The following KCNH5 variants were observed in gnomAD, a reference collection of about 807,000 sequenced individuals.
KCNH5 encodes the protein potassium voltage-gated channel subfamily H member 5.
A neutral mutation model predicts 96.1 loss-of-function variants in KCNH5; 46 were observed. The ratio of observed to expected loss-of-function variants is 0.48; its 90% CI spans 0.38 to 0.61. The LOEUF (loss-of-function observed/expected upper bound fraction) is 0.61, where lower values mean the gene tolerates loss of function less well. KCNH5 is among the 20% of genes least tolerant of loss of function. The pLI, the probability that KCNH5 is intolerant of heterozygous loss-of-function variation, is 0.00. For synonymous variants in KCNH5, 439 were observed against 449.8 expected (o/e 0.98, Z 0.30); for missense variants, 907 against 1,225.8 (o/e 0.74, Z 3.88).
intron 10 of KCNH5, among the ~76,000 whole-genome samples, chr14:62,725,586 G>A (rs982786979): frequency 2.6e-5 from 4 of 152,150 alleles, no homozygotes; most frequent in African/African-American, 9.7e-5. Context: ...AGAGTGGAAG[G>A]AGGGACAGTA....
At chr14:62,827,266 C>T (rs1483808203) in intron 8 of KCNH5, among the ~76,000 whole-genome samples, 1 of 152,096 alleles carries the variant, frequency 6.6e-6, no homozygotes, top group Non-Finnish European at 1.5e-5. Context: ...TTGGCTGTTT[C>T]ATTCTTTTAC....
chr14:62,873,480 A>G (rs1420465358), intron 7 of KCNH5, among the ~76,000 whole-genome samples: 1 of 152,194 alleles, frequency 6.6e-6, no homozygotes, highest in Non-Finnish European at 1.5e-5. Flanking sequence ...AGATTCAAGC[A>G]TGTGTCAATA....
At chr14:63,024,576 A>G (rs1891491899) in intron 1 of KCNH5, among the ~76,000 whole-genome samples, 1 of 152,112 alleles carries the variant, frequency 6.6e-6, no homozygotes, top group South Asian at 2.1e-4. Context: ...CAAAAAAATC[A>G]GAAATCAAAG....
rs1884450825 is a variant in KCNH5 at position 62,707,222 on chromosome 14, T to C, written c.*286A>G. The stretch of plus-strand genomic sequence containing the variant: ...GGACCCTGATTCTTCAAATATTACA[T>C]TGCCTTGGGTAACAAAAATCATACT... On this transcript the variant is annotated 3_prime_UTR_variant, in exon 11 of 11. Coordinates refer to ENST00000322893, the MANE Select transcript of KCNH5 (RefSeq NM_139318.5). The C allele has an allele frequency of 5.8e-6, 1 of 172,342 alleles. No individual in the cohort carries two copies. The highest frequency in any genetic ancestry group is 2.4e-5 in the African/African-American group (1 of 42,358). 10.7% of individuals were successfully genotyped at this position (172,342 alleles called of 1,614,324 possible). A position where few individuals can be genotyped will look rare whatever the true frequency, so the allele number is the denominator to read the frequency against.
intron 3 of KCNH5, among the ~76,000 whole-genome samples, chr14:63,001,855 CTCG>C (rs1320466685): frequency 6.6e-6 from 1 of 152,168 alleles, no homozygotes; most frequent in Non-Finnish European, 1.5e-5. Context: ...ACCTGCTTCT[CTCG>C]TCATGTCACT....
chr14:62,707,499 G>GTA lies in KCNH5; in HGVS notation c.*7_*8dup, dbSNP rs771857690. The GTA allele has an allele frequency of 5.7e-6, 7 of 1,230,258 alleles. No homozygotes were observed. Among genetic ancestry groups the GTA allele is most frequent in the South Asian group, 2.1e-5 (1 of 48,434 alleles). The allele number at this position is 1,230,258 out of a possible 1,614,324, so 76.2% of individuals were successfully genotyped here. A position where few individuals can be genotyped will look rare whatever the true frequency, so the allele number is the denominator to read the frequency against. ...TTTTAATATATTAACAAATATATAT[G>GTA]TATATATATTAAAAGTGGATTTCAT... On this transcript the variant is annotated 3_prime_UTR_variant, in exon 11 of 11. Coordinates refer to ENST00000322893, the MANE Select transcript of KCNH5 (RefSeq NM_139318.5).
At chr14:62,748,717 G>C (rs181530073) in intron 10 of KCNH5, among the ~76,000 whole-genome samples, 67 of 152,000 alleles carry the variant, frequency 4.4e-4, no homozygotes, top group Middle Eastern at 3.4e-3. Context: ...AGAGAGCGTT[G>C]GTATGGCGAA....
intron 8 of KCNH5, among the ~76,000 whole-genome samples, chr14:62,829,505 C>A (rs1235347644): frequency 6.6e-6 from 1 of 152,228 alleles, no homozygotes; most frequent in African/African-American, 2.4e-5. Context: ...CCCTATACCA[C>A]ACAGAAGTCA....
intron 2 of KCNH5, among the ~76,000 whole-genome samples, chr14:63,010,764 C>A (rs1891209458): frequency 6.6e-6 from 1 of 152,192 alleles, no homozygotes; most frequent in African/African-American, 2.4e-5. Context: ...CTCTCAAAAT[C>A]TCACGAACAA....
At chr14:62,748,530 C>T (rs1226668856) in intron 10 of KCNH5, among the ~76,000 whole-genome samples, 2 of 152,062 alleles carry the variant, frequency 1.3e-5, no homozygotes, top group African/African-American at 4.8e-5. Flanking sequence ...AAGATGGAGT[C>T]GCTCTGGTTC....
At chr14:62,828,225 T>C (rs959400956) in intron 8 of KCNH5, among the ~76,000 whole-genome samples, 2 of 152,178 alleles carry the variant, frequency 1.3e-5, no homozygotes, top group African/African-American at 4.8e-5. Context: ...CTGTGTATTA[T>C]ATTAGTGTTT....
intron 8 of KCNH5, among the ~76,000 whole-genome samples, chr14:62,811,759 A>T (rs1387753): frequency 0.61 from 92,420 of 151,926 alleles, 28,583 homozygotes; most frequent in East Asian, 0.86. Context: ...ATAAATTAGA[A>T]ATAAGCAGAA....
At chr14:62,816,029 A>T (rs1331069116) in intron 8 of KCNH5, among the ~76,000 whole-genome samples, 3 of 151,944 alleles carry the variant, frequency 2.0e-5, no homozygotes, top group Non-Finnish European at 4.4e-5. Flanking sequence ...GAATATATAT[A>T]TATTCAGATA....
chr14:63,040,491 A>G (rs906289888), intron 1 of KCNH5, among the ~76,000 whole-genome samples: 1 of 152,148 alleles, frequency 6.6e-6, no homozygotes, highest in Non-Finnish European at 1.5e-5. Context: ...TTAAAGTGGT[A>G]CATTATAAGA....
At chr14:62,874,103 T>G (rs1007036950) in intron 7 of KCNH5, among the ~76,000 whole-genome samples, 1 of 152,212 alleles carries the variant, frequency 6.6e-6, no homozygotes, top group African/African-American at 2.4e-5. Flanking sequence ...CCTCCTGGAC[T>G]TTCATTCCCA....
chr14:62,772,638 A>G (rs951184492), intron 10 of KCNH5, among the ~76,000 whole-genome samples: 1 of 332 alleles, frequency 3.0e-3, no homozygotes, highest in African/African-American at 8.6e-3. Flanking sequence ...CTTTGTCTGA[A>G]AAAAAAAAAA....
intron 1 of KCNH5, among the ~76,000 whole-genome samples, chr14:63,033,922 T>C (rs1364287968): frequency 6.6e-6 from 1 of 152,172 alleles, no homozygotes; most frequent in Non-Finnish European, 1.5e-5. Flanking sequence ...TATTTTTGTT[T>C]GTTTGTTTTT....
At chr14:62,971,585 G>T (rs1488414491) in intron 6 of KCNH5, among the ~76,000 whole-genome samples, 1 of 152,046 alleles carries the variant, frequency 6.6e-6, no homozygotes, top group East Asian at 1.9e-4. Context: ...TCAGAAGACT[G>T]ATGCTATATG....
intron 6 of KCNH5, among the ~76,000 whole-genome samples, chr14:62,980,400 T>C (rs1890583757): frequency 6.6e-6 from 1 of 152,238 alleles, no homozygotes; most frequent in Non-Finnish European, 1.5e-5. Flanking sequence ...ATCATATGTG[T>C]CTTGAGAGGA....
Sources: gnomAD v4.1 joint callset for allele counts (sites outside exome capture counted in the v4.1 genomes callset) on GRCh38, gnomAD v4.1.1 for gene constraint, MANE v1.5 for transcripts, NCBI Gene and HGNC (gene_info 2026-07-23, HGNC 2026-07-21) for gene names.